Variants in GFPT2 observed in about 807,000 individuals in gnomAD.
GFPT2 encodes the protein glutamine--fructose-6-phosphate transaminase 2, also known as glutamine--fructose-6-phosphate aminotransferase [isomerizing] 2.
A neutral mutation model predicts 85.6 loss-of-function variants in GFPT2; 62 were observed. The observed-to-expected ratio is 0.72, with a 90% CI of 0.59 to 0.90. The LOEUF (loss-of-function observed/expected upper bound fraction) is 0.90, where lower values mean the gene tolerates loss of function less well. GFPT2 is among the 40% of genes least tolerant of loss of function. The pLI, the probability that GFPT2 is intolerant of heterozygous loss-of-function variation, is 0.00. For missense variants in GFPT2, 788 were observed against 893.4 expected (o/e 0.88, Z 1.50); for synonymous variants, 368 against 344.5 (o/e 1.07, Z -0.75).
chr5:180,317,582 A>G (rs1018490876), intron 10 of GFPT2, among the ~76,000 whole-genome samples: 9 of 145,354 alleles, frequency 6.2e-5, no homozygotes, highest in Admixed American at 5.3e-4. Context: ...AAACAGTGAA[A>G]CCCCGTCTCT....
rs1041909101 is a variant in GFPT2, at chr5:180,303,000, C to T, written c.1843-416G>A. On this transcript the variant is annotated intron_variant, in intron 17 of 18. Coordinates refer to ENST00000253778, the MANE Select transcript of GFPT2 (RefSeq NM_005110.4). ...ATCCCAACACTTTGGGAGGCTGAGG[C>T]GGGTGGATCACGAGGTCAGGAGATC... 9.9e-5 allele frequency among the ~76,000 whole-genome samples: 15 copies of T among 151,894 alleles called. No homozygotes were observed. The South Asian group carries it at 1.0e-3, about 11-fold the overall frequency.
At chr5:180,321,870 G>A (rs1326285529) in intron 9 of GFPT2, among the ~76,000 whole-genome samples, 6 of 152,186 alleles carry the variant, frequency 3.9e-5, no homozygotes, top group African/African-American at 1.2e-4. Context: ...TGCAAGCTCC[G>A]CCTCCCGGGT....
intron 17 of GFPT2, among the ~76,000 whole-genome samples, chr5:180,303,955 G>A (rs920288054): frequency 2.0e-5 from 3 of 152,204 alleles, no homozygotes; most frequent in African/African-American, 4.8e-5. Context: ...TTTGAGACAT[G>A]AGCCTGTCAG....
At chr5:180,312,986 A>G (rs978104267) in intron 14 of GFPT2, among the ~76,000 whole-genome samples, 3 of 152,042 alleles carry the variant, frequency 2.0e-5, no homozygotes, top group Non-Finnish European at 4.4e-5. Context: ...CGTGTTAGCC[A>G]GGATGGTCTC....
chr5:180,329,777 G>A (rs1305862929), intron 6 of GFPT2, among the ~76,000 whole-genome samples: 3 of 152,342 alleles, frequency 2.0e-5, no homozygotes, highest in African/African-American at 7.2e-5. Context: ...GGGTGGCACT[G>A]CTGTCTGACA....
At chr5:180,336,621 T>C (rs768926334) in intron 2 of GFPT2, 44 bp from the exon 3 acceptor site, 1 of 1,289,522 alleles carries the variant, frequency 7.8e-7, no homozygotes, top group Non-Finnish European at 1.1e-6. Flanking sequence ...CAAAGCTTTT[T>C]CTCACACACT....
chr5:180,335,924 A>C lies in GFPT2; in HGVS notation c.244T>G (p.Phe82Val). 9 of 1,571,226 alleles carry C rather than the reference A, an allele frequency of 5.7e-6. No individual in the cohort carries two copies. The highest frequency in any genetic ancestry group is 7.7e-6 in the Non-Finnish European group (9 of 1,165,238). ...KQDSMDLKVE[F>V]ETHFGIAHTR... ...TGGGCAATGCCGAAGTGTGTCTCAA[A>C]CTCCACTTTTAAGTCCATGCTGTCT... The change falls in exon 4 of 19, where the codon TTT (phenylalanine) becomes GTT (valine). Residue 82 changes from phenylalanine (F) to valine (V), a missense_variant. Transcript: ENST00000253778.
chr5:180,319,817 A>T (rs2042224), intron 9 of GFPT2, among the ~76,000 whole-genome samples: 2,153 of 152,278 alleles, frequency 0.014, 56 homozygotes, highest in East Asian at 0.099. Context: ...CAGGAAACAC[A>T]GGGGACAGAG....
chr5:180,351,049 G>T (rs1476021637), intron 1 of GFPT2, among the ~76,000 whole-genome samples: 3 of 152,216 alleles, frequency 2.0e-5, no homozygotes, highest in East Asian at 3.8e-4. Flanking sequence ...CACGATTCTT[G>T]CAGTATCCTT....
chr5:180,336,349 G>A (rs1000271017), intron 3 of GFPT2, 130 bp downstream of exon 3: 1 of 736,226 alleles, frequency 1.4e-6, no homozygotes, highest in Admixed American at 1.9e-5. Flanking sequence ...TACAGCACGG[G>A]CTTAGCCCTC....
chr5:180,346,337 G>C (rs950720355), intron 1 of GFPT2, among the ~76,000 whole-genome samples: 2 of 152,154 alleles, frequency 1.3e-5, no homozygotes, highest in Non-Finnish European at 2.9e-5. Flanking sequence ...CTCACACAGA[G>C]GGTCCCTGGC....
At chr5:180,308,169 T>C (rs1460843137) in intron 15 of GFPT2, among the ~76,000 whole-genome samples, 1 of 149,354 alleles carries the variant, frequency 6.7e-6, no homozygotes, top group Non-Finnish European at 1.5e-5. Flanking sequence ...GGCAGGAGAG[T>C]GGCGTGAACC....
chr5:180,342,738 T>TA (rs1316128348), intron 1 of GFPT2, among the ~76,000 whole-genome samples: 1 of 151,722 alleles, frequency 6.6e-6, no homozygotes, highest in East Asian at 1.9e-4. Flanking sequence ...TGTCTGAACT[T>TA]AAAAAATAGA....
intron 1 of GFPT2, among the ~76,000 whole-genome samples, chr5:180,347,965 G>GT (rs1764641199): frequency 6.6e-6 from 1 of 152,082 alleles, no homozygotes; most frequent in Non-Finnish European, 1.5e-5. Flanking sequence ...CCCAACGAAA[G>GT]CCCAGCCCTC....
At chr5:180,349,220 T>C (rs1394891605) in intron 1 of GFPT2, among the ~76,000 whole-genome samples, 3 of 151,936 alleles carry the variant, frequency 2.0e-5, no homozygotes, top group African/African-American at 7.2e-5. Flanking sequence ...GGTGGGAGGA[T>C]GGCTTGAGCC....
intron 4 of GFPT2, among the ~76,000 whole-genome samples, chr5:180,334,172 G>A (rs573333950): frequency 1.3e-5 from 2 of 152,280 alleles, no homozygotes; most frequent in South Asian, 2.1e-4. Flanking sequence ...AGAGGCCCTC[G>A]CAAAAACCTC....
chr5:180,337,453 G>GAAAA (rs35211599), intron 2 of GFPT2, among the ~76,000 whole-genome samples: 26 of 99,406 alleles, frequency 2.6e-4, no homozygotes, highest in Non-Finnish European at 3.6e-4. Flanking sequence ...ACTCCATCTC[G>GAAAA]AAAAAAAAAA....
chr5:180,329,197 C>T (rs1459714301), intron 6 of GFPT2, among the ~76,000 whole-genome samples: 1 of 152,166 alleles, frequency 6.6e-6, no homozygotes, highest in Non-Finnish European at 1.5e-5. Flanking sequence ...CCACGGGCAG[C>T]CCCAGGCCCC....
intron 14 of GFPT2, among the ~76,000 whole-genome samples, chr5:180,312,816 A>G (rs1264252040): frequency 2.0e-5 from 3 of 151,898 alleles, no homozygotes; most frequent in East Asian, 1.9e-4. Context: ...TTGCTGTGTC[A>G]CCCAGGCTGG....
Sources: gnomAD v4.1 joint callset for allele counts (sites outside exome capture counted in the v4.1 genomes callset) on GRCh38, gnomAD v4.1.1 for gene constraint, MANE v1.5 for transcripts, NCBI Gene and HGNC (gene_info 2026-07-23, HGNC 2026-07-21) for gene names.